NRCAM: variants seen among roughly 807,000 people sequenced by gnomAD.
NRCAM encodes the protein neuronal cell adhesion molecule.
In NRCAM, 83 loss-of-function variants were observed where a neutral mutation model predicts 156.5. The observed-to-expected ratio is 0.53, with a 90% CI of 0.44 to 0.64. The LOEUF (loss-of-function observed/expected upper bound fraction) is 0.64. Among genes scored for constraint, NRCAM ranks in the 30% least tolerant of loss-of-function variants. The probability of loss-of-function intolerance (pLI) is 0.00; values close to 1 mark genes in which losing one functional copy is unlikely to be tolerated. For synonymous variants in NRCAM, 538 were observed against 563.9 expected, an observed-to-expected ratio of 0.95 and a Z score of 0.65; for missense variants, 1,417 against 1,597.3, an observed-to-expected ratio of 0.89 and a Z score of 1.92.
rs919157403 is a variant in NRCAM at position 108,223,782 on chromosome 7, C to G, written c.833G>C (p.Ser278Thr). The G allele has an allele frequency of 6.2e-7, 1 of 1,611,858 alleles. No homozygotes were observed. Residue 278 changes from serine (S) to threonine (T), a missense_variant, in exon 11 of 33, where the codon AGT becomes ACT. Coordinates refer to ENST00000379028, the MANE Select transcript of NRCAM (RefSeq NM_001037132.4). The part of the protein sequence containing the change: ...PTFLTPEGNA[S>T]NKEELRGNVL... ...ATTTCCTCTTAATTCCTCTTTGTTA[C>G]TTGCATTGCCTTCTGGAGTTAAAAA...
intron 30 of NRCAM, among the ~76,000 whole-genome samples, chr7:108,165,727 TTG>T (rs761664385): frequency 3.3e-5 from 5 of 152,000 alleles, no homozygotes; most frequent in Admixed American, 6.5e-5. Context: ...TACATTATTG[TTG>T]TTTCTTTTTA....
At chr7:108,234,553 G>A in intron 6 of NRCAM, 30 bp downstream of exon 6, 3 of 1,255,660 alleles carry the variant, frequency 2.4e-6, no homozygotes, top group Non-Finnish European at 3.5e-6. Context: ...TTTATTCTCA[G>A]TACTATAACA....
At chr7:108,420,696 G>T (rs1338661448) in intron 1 of NRCAM, among the ~76,000 whole-genome samples, 2 of 152,128 alleles carry the variant, frequency 1.3e-5, no homozygotes, top group Non-Finnish European at 2.9e-5. Flanking sequence ...GATTTCCTCT[G>T]GTCCCCATTG....
intron 1 of NRCAM, among the ~76,000 whole-genome samples, chr7:108,417,496 T>C (rs555032001): frequency 2.6e-5 from 4 of 152,164 alleles, no homozygotes; most frequent in Non-Finnish European, 5.9e-5. Flanking sequence ...CAGTCCCACC[T>C]CTTCATACTG....
intron 3 of NRCAM, among the ~76,000 whole-genome samples, chr7:108,241,933 T>C (rs985936745): frequency 2.6e-5 from 4 of 152,068 alleles, no homozygotes; most frequent in Non-Finnish European, 4.4e-5. Context: ...AAGTTCTGAT[T>C]TGAACATGAT....
At chr7:108,307,969 C>T (rs945826521) in intron 3 of NRCAM, among the ~76,000 whole-genome samples, 1 of 152,232 alleles carries the variant, frequency 6.6e-6, no homozygotes, top group Non-Finnish European at 1.5e-5. Context: ...ACACCTGAGG[C>T]CTTCCAGTAT....
chr7:108,152,116 T>C (rs1041045559), intron 32 of NRCAM, among the ~76,000 whole-genome samples: 1 of 152,014 alleles, frequency 6.6e-6, no homozygotes, highest in African/African-American at 2.4e-5. Context: ...ACAATCAACA[T>C]AATAAAAAAA....
At chr7:108,368,976 C>T (rs1218821511) in intron 2 of NRCAM, among the ~76,000 whole-genome samples, 1 of 152,072 alleles carries the variant, frequency 6.6e-6, no homozygotes, top group Non-Finnish European at 1.5e-5. Context: ...ATAATTTAGA[C>T]ATGACTTGAG....
chr7:108,308,921 A>G (rs1033787598), intron 3 of NRCAM, among the ~76,000 whole-genome samples: 1 of 152,234 alleles, frequency 6.6e-6, no homozygotes, highest in African/African-American at 2.4e-5. Context: ...TCAGAGATAA[A>G]TATCAGGAAA....
intron 30 of NRCAM, among the ~76,000 whole-genome samples, chr7:108,165,669 TA>T (rs1179739039): frequency 6.6e-6 from 1 of 152,246 alleles, no homozygotes; most frequent in African/African-American, 2.4e-5. Flanking sequence ...GTGGTTTTCT[TA>T]AAACATTATG....
intron 1 of NRCAM, among the ~76,000 whole-genome samples, chr7:108,400,037 T>C (rs1222269080): frequency 6.6e-6 from 1 of 152,162 alleles, no homozygotes; most frequent in Non-Finnish European, 1.5e-5. Context: ...AACTAAGTAT[T>C]TGATCAAGGT....
chr7:108,346,079 T>C (rs1054973135), intron 2 of NRCAM, among the ~76,000 whole-genome samples: 7 of 152,152 alleles, frequency 4.6e-5, no homozygotes, highest in African/African-American at 1.7e-4. Context: ...AGACTAGCTG[T>C]GGTAGCTCAG....
rs188791636 is a variant in NRCAM, at chr7:108,441,351, A to G, written c.-332+14892T>C. On this transcript the variant is annotated intron_variant, in intron 1 of 32. Coordinates refer to ENST00000379028, the MANE Select transcript of NRCAM (RefSeq NM_001037132.4). ...CAATCCTATTGACTAAAACAGCCACAATATCAGATTGCTCAAAGAACTTTA... is the reference window on the plus strand; with the variant it reads ...CAATCCTATTGACTAAAACAGCCACGATATCAGATTGCTCAAAGAACTTTA... Among the ~76,000 whole-genome samples, 4 of 152,338 alleles carry G rather than the reference A, an allele frequency of 2.6e-5. No homozygotes were observed. In the East Asian group the frequency reaches 7.7e-4, roughly 29 times the overall value.
chr7:108,260,773 C>T (rs1415501408), intron 3 of NRCAM, among the ~76,000 whole-genome samples: 1 of 152,088 alleles, frequency 6.6e-6, no homozygotes, highest in Non-Finnish European at 1.5e-5. Context: ...GAGGCCGAGG[C>T]TCTGGAGTGG....
chr7:108,303,867 G>A (rs1375247993), intron 3 of NRCAM, among the ~76,000 whole-genome samples: 1 of 151,952 alleles, frequency 6.6e-6, no homozygotes, highest in African/African-American at 2.4e-5. Context: ...ACATGTATAT[G>A]TACACAATAC....
intron 15 of NRCAM, 73 bp downstream of exon 15, chr7:108,195,688 C>A (rs948073007): frequency 7.2e-6 from 6 of 836,886 alleles, no homozygotes; most frequent in East Asian, 2.6e-5. Flanking sequence ...TTGAATAAAA[C>A]CCAACATATT....
rs1562863331 is a variant in NRCAM at position 108,232,341 on chromosome 7, C to T, written c.412G>A (p.Val138Ile). The T allele has an allele frequency of 6.2e-7, 1 of 1,604,408 alleles. No individual in the cohort carries two copies. The highest frequency in any genetic ancestry group is 1.1e-5 in the South Asian group (1 of 89,228). Reference sequence around the variant, plus strand: ...TTCCACTTACTGGATGGGCGGACAACAATGTTATTAGAAACTGCAGCTCCG... The same window carrying T: ...TTCCACTTACTGGATGGGCGGACAATAATGTTATTAGAAACTGCAGCTCCG... ...ERGAAVSNNI[V>I]VRPSRSPLWT... Residue 138 changes from valine (V) to isoleucine (I), a missense_variant, in exon 7 of 33, where the codon GTT becomes ATT. Transcript: ENST00000379028.
chr7:108,210,535 C>T lies in NRCAM; in HGVS notation c.891-930G>A, dbSNP rs185306002. ...TGCTGGGATTATAGGCGTGAGCCAC[C>T]GCGCCTGGTCCCAACTGTGTTTTTT... On this transcript the variant is annotated intron_variant, in intron 11 of 32. Transcript: ENST00000379028. 2.2e-3 allele frequency among the ~76,000 whole-genome samples: 328 copies of T among 152,248 alleles called. 1 individual carries two copies. The highest frequency in any genetic ancestry group is 3.4e-3 in the Middle Eastern group (1 of 294).
intron 1 of NRCAM, among the ~76,000 whole-genome samples, chr7:108,404,176 C>A (rs1194105669): frequency 2.0e-5 from 3 of 152,120 alleles, no homozygotes; most frequent in Non-Finnish European, 2.9e-5. Context: ...GATGCACGAG[C>A]CTATTAAAAA....
Sources: allele counts gnomAD v4.1 joint callset (sites outside exome capture counted in the v4.1 genomes callset), GRCh38; gene constraint gnomAD v4.1.1; transcripts MANE v1.5; gene names NCBI Gene and HGNC (gene_info 2026-07-23, HGNC 2026-07-21).